Variants in THSD7A observed in about 807,000 individuals in gnomAD.
The protein encoded by THSD7A is thrombospondin type 1 domain containing 7A, also known as thrombospondin type-1 domain-containing protein 7A.
Under a neutral mutation model 231.3 loss-of-function variants are expected in THSD7A, and 96 were observed. That is an observed-to-expected ratio of 0.41 (90% CI 0.35 to 0.49). The LOEUF (loss-of-function observed/expected upper bound fraction) is 0.49. Ranked by LOEUF, THSD7A falls within the 20% of genes least tolerant of loss-of-function variation. The pLI is 0.05. For missense variants in THSD7A, 2,290 were observed against 2,070.2 expected (o/e 1.11, Z -2.06); for synonymous variants, 940 against 743.3 (o/e 1.26, Z -4.30).
At chr7:11,628,170 T>C (rs1781533555) in intron 2 of THSD7A, among the ~76,000 whole-genome samples, 1 of 152,192 alleles carries the variant, frequency 6.6e-6, no homozygotes, top group East Asian at 1.9e-4. Flanking sequence ...ACCCTGTTAC[T>C]AATAAATGTG....
rs187370881 is a variant in THSD7A, at chr7:11,457,338, A to G, written c.2605+3324T>C. The stretch of plus-strand genomic sequence containing the variant: ...TTTTAGACCTAGAATTTTCACCAAT[A>G]TAACTATTCTTAAATTAAAAATGTT... On this transcript the variant is annotated intron_variant, in intron 11 of 27. Transcript: ENST00000423059. 2.2e-4 allele frequency among the ~76,000 whole-genome samples: 33 copies of G among 151,618 alleles called. No individual in the cohort carries two copies. The East Asian group carries it at 5.0e-3, about 23-fold the overall frequency.
At position 11,603,160 on chromosome 7, in the gene THSD7A, T is replaced by A. The variant is rs530257648; in HGVS notation, c.1023-9658A>T. On this transcript the variant is annotated intron_variant, in intron 2 of 27. Transcript: ENST00000423059. ...AAGGGCTAATATCCAGAATCTACAA[T>A]GAACTCAAACAAATTTACAAGAAAA... is the stretch of plus-strand genomic sequence containing the variant. Among the ~76,000 whole-genome samples, 199 of 151,528 alleles carry A rather than the reference T, an allele frequency of 1.3e-3. 1 individual carries two copies. The highest frequency in any genetic ancestry group is 4.6e-3 in the African/African-American group (190 of 41,316).
chr7:11,690,574 G>T (rs1476875315), intron 1 of THSD7A, among the ~76,000 whole-genome samples: 2 of 151,710 alleles, frequency 1.3e-5, no homozygotes, highest in Non-Finnish European at 2.9e-5. Context: ...TTTGGAAGGT[G>T]TAAGCTTGAG....
chr7:11,519,661 G>A (rs1015865), intron 6 of THSD7A, among the ~76,000 whole-genome samples: 128,509 of 152,136 alleles, frequency 0.84, 54,835 homozygotes, highest in Middle Eastern at 0.92. Context: ...AATGCTTAAT[G>A]TATTTATTGA....
intron 1 of THSD7A, among the ~76,000 whole-genome samples, chr7:11,674,271 C>A (rs1195367825): frequency 2.0e-5 from 3 of 152,020 alleles, no homozygotes; most frequent in African/African-American, 7.2e-5. Context: ...CCTCCCCTAC[C>A]CAGTGCAATG....
At chr7:11,697,431 C>G (rs1195788623) in intron 1 of THSD7A, among the ~76,000 whole-genome samples, 1 of 151,320 alleles carries the variant, frequency 6.6e-6, no homozygotes, top group Non-Finnish European at 1.5e-5. Context: ...AAAACTTCCT[C>G]ATGCTACTGA....
intron 18 of THSD7A, among the ~76,000 whole-genome samples, chr7:11,412,074 ATAAAAGATTT>A (rs1420143710): frequency 6.6e-6 from 1 of 152,220 alleles, no homozygotes; most frequent in Non-Finnish European, 1.5e-5. Context: ...ATATAAACCA[ATAAAAGATTT>A]TCTTTCCTAG....
chr7:11,538,357 G>A (rs1254745947), intron 6 of THSD7A, among the ~76,000 whole-genome samples: 1 of 151,872 alleles, frequency 6.6e-6, no homozygotes, highest in Non-Finnish European at 1.5e-5. Flanking sequence ...ATTTTTTTTG[G>A]CAGAGGAGAA....
In THSD7A at chr7:11,402,116, G is replaced by A; in HGVS notation, c.4238-148C>T. The A allele has an allele frequency of 1.4e-5, 9 of 638,422 alleles. No homozygotes were observed. The South Asian group carries it at 2.1e-4, about 15-fold the overall frequency. 39.5% of individuals were successfully genotyped at this position (638,422 alleles called of 1,614,324 possible). On this transcript the variant is annotated intron_variant, in intron 22 of 27. Transcript: ENST00000423059. ...AGATTTAAATAAGCATTTAATATTT[G>A]TAAATTTGTAATTGTATAACTTTGT...
In THSD7A at chr7:11,778,815, TACC is replaced by T. The variant is rs1454199211; in HGVS notation, c.190+52939_190+52941del. Among the ~76,000 whole-genome samples the T allele has an allele frequency of 1.1e-4, 16 of 152,298 alleles. No homozygotes were observed. In the East Asian group the frequency reaches 3.1e-3, roughly 29 times the overall value. ...CATTGACAATATATTCTGAGAAATA[TACC>T]AATGTTTCTATAAATCTATGCACAA... On this transcript the variant is annotated intron_variant, in intron 1 of 27. Coordinates refer to ENST00000423059, the MANE Select transcript of THSD7A (RefSeq NM_015204.3).
intron 3 of THSD7A, among the ~76,000 whole-genome samples, chr7:11,591,329 C>T (rs1045584001): frequency 4.6e-5 from 7 of 151,840 alleles, no homozygotes; most frequent in Non-Finnish European, 8.8e-5. Context: ...CAGTCCAACA[C>T]GTGATTGAAG....
intron 6 of THSD7A, among the ~76,000 whole-genome samples, chr7:11,507,320 A>T (rs1440504830): frequency 6.6e-6 from 1 of 152,194 alleles, no homozygotes; most frequent in African/African-American, 2.4e-5. Context: ...TTATGTAGAT[A>T]TCACTGCAAT....
chr7:11,746,861 T>C (rs1434538522), intron 1 of THSD7A, among the ~76,000 whole-genome samples: 1 of 151,812 alleles, frequency 6.6e-6, no homozygotes, highest in Non-Finnish European at 1.5e-5. Context: ...TCTAAAAGAT[T>C]ATTTTAAATC....
chr7:11,636,034 A>G lies in THSD7A; in HGVS notation c.1022+96T>C. ...GTAGCTCATCCTAGGTTGTGCCCCT[A>G]CGTAATCCAGAAGTTATTAGATAGT... On this transcript the variant is annotated intron_variant, in intron 2 of 27. Transcript: ENST00000423059. This position sits in a 1 kb window ranked among gnomAD's most constrained non-coding sequence, Gnocchi z 10.0. 8.3e-7 allele frequency: 1 copy of G among 1,205,238 alleles called. No homozygotes were observed. The highest frequency in any genetic ancestry group is 1.2e-6 in the Non-Finnish European group (1 of 861,028). 74.7% of individuals were successfully genotyped at this position (1,205,238 alleles called of 1,614,324 possible).
chr7:11,644,060 A>C (rs767778335), intron 1 of THSD7A, among the ~76,000 whole-genome samples: 3 of 151,974 alleles, frequency 2.0e-5, no homozygotes, highest in East Asian at 1.9e-4. Flanking sequence ...AAAAAAAAAA[A>C]AAACCTTAAT....
rs577856500 is a variant in THSD7A, at chr7:11,391,665, A to G, written c.4412-9049T>C. Among the ~76,000 whole-genome samples the G allele has an allele frequency of 1.3e-4, 20 of 152,314 alleles. 1 individual carries two copies. The highest frequency in any genetic ancestry group is 4.3e-4 in the African/African-American group (18 of 41,562). ...ATTCCAGGTGCCATTGGGGTATGAAAAAAAGCTCCTGCAGCTAGCTAGGTG... is the reference window on the plus strand; with the variant it reads ...ATTCCAGGTGCCATTGGGGTATGAAGAAAAGCTCCTGCAGCTAGCTAGGTG... On this transcript the variant is annotated intron_variant, in intron 23 of 27. Coordinates refer to ENST00000423059, the MANE Select transcript of THSD7A (RefSeq NM_015204.3).
At chr7:11,659,300 C>T (rs1450976406) in intron 1 of THSD7A, among the ~76,000 whole-genome samples, 10 of 151,528 alleles carry the variant, frequency 6.6e-5, no homozygotes, top group Non-Finnish European at 1.3e-4. Flanking sequence ...CTGCACCGAG[C>T]GGTCAGAGAA....
Position 11,431,889 on chromosome 7 carries a change from TTGTTA to T in THSD7A, c.3065-2769_3065-2765del, listed in dbSNP as rs1353295880. Among the ~76,000 whole-genome samples the T allele has an allele frequency of 3.9e-5, 6 of 152,264 alleles. No individual in the cohort carries two copies. The South Asian group carries it at 1.2e-3, about 32-fold the overall frequency. On this transcript the variant is annotated intron_variant, in intron 13 of 27. Coordinates refer to ENST00000423059, the MANE Select transcript of THSD7A (RefSeq NM_015204.3). Reference sequence around the variant, plus strand: ...TCAGTGTACAGGTCTTGAACTTATTTTGTTATATTTATTCCTAAGTATTTTATTCT... The same window carrying T: ...TCAGTGTACAGGTCTTGAACTTATTTTATTTATTCCTAAGTATTTTATTCT...
chr7:11,395,575 T>G (rs1205870806), intron 23 of THSD7A, among the ~76,000 whole-genome samples: 1 of 151,608 alleles, frequency 6.6e-6, no homozygotes, highest in Non-Finnish European at 1.5e-5. Context: ...TCACCCAGGC[T>G]GTAGTGCAGT....
Sources: gnomAD v4.1 joint callset for allele counts (sites outside exome capture counted in the v4.1 genomes callset) on GRCh38, gnomAD v4.1.1 for gene constraint, Gnocchi (gnomAD v3.1) non-coding constraint, MANE v1.5 for transcripts, NCBI Gene and HGNC (gene_info 2026-07-23, HGNC 2026-07-21) for gene names.